Variants in CTNNA2 observed in about 807,000 individuals in gnomAD.
CTNNA2 encodes the protein catenin alpha 2.
Under a neutral mutation model 101.0 loss-of-function variants are expected in CTNNA2, and 42 were observed. That is an observed-to-expected ratio of 0.42 (90% confidence interval 0.32 to 0.54). The LOEUF (loss-of-function observed/expected upper bound fraction) is 0.54. CTNNA2 is among the 20% of genes least tolerant of loss of function. CTNNA2 has a pLI of 0.14. For synonymous variants in CTNNA2, 450 were observed against 456.4 expected, an observed-to-expected ratio of 0.99 and a Z score of 0.18; for missense variants, 871 against 1,223.1, an observed-to-expected ratio of 0.71 and a Z score of 4.29.
chr2:79,868,586 A>G (rs1221127702), intron 4 of CTNNA2, among the ~76,000 whole-genome samples: 1 of 152,270 alleles, frequency 6.6e-6, no homozygotes, highest in East Asian at 1.9e-4. Flanking sequence ...GGTTATTTTC[A>G]GCCATTGTAG....
At chr2:79,821,138 C>G (rs1309894235) in intron 3 of CTNNA2, among the ~76,000 whole-genome samples, 1 of 152,134 alleles carries the variant, frequency 6.6e-6, no homozygotes, top group Non-Finnish European at 1.5e-5. Flanking sequence ...TTAGGATAAA[C>G]CATTAATTCC....
At chr2:79,200,126 G>T (rs143977958) in intron 2 of CTNNA2, among the ~76,000 whole-genome samples, 1 of 152,142 alleles carries the variant, frequency 6.6e-6, no homozygotes, top group African/African-American at 2.4e-5. Context: ...TATCCTGCCT[G>T]TAATCCCAGC....
At chr2:80,561,998 C>T (rs1693645711) in intron 12 of CTNNA2, among the ~76,000 whole-genome samples, 2 of 151,988 alleles carry the variant, frequency 1.3e-5, no homozygotes, top group Non-Finnish European at 2.9e-5. Context: ...TAAACAAATT[C>T]TGTCCAGGAG....
chr2:80,041,443 A>G (rs1223546804), intron 7 of CTNNA2, among the ~76,000 whole-genome samples: 2 of 152,088 alleles, frequency 1.3e-5, no homozygotes, highest in Non-Finnish European at 2.9e-5. Context: ...TTAGACTGGG[A>G]TGGGGGGTAC....
chr2:80,244,906 A>T (rs1037796052), intron 7 of CTNNA2, among the ~76,000 whole-genome samples: 1 of 152,176 alleles, frequency 6.6e-6, no homozygotes, highest in Admixed American at 6.5e-5. Context: ...TGGAAAATCT[A>T]GCAGACCTAC....
At chr2:79,208,056 C>T (rs1486156656) in intron 2 of CTNNA2, among the ~76,000 whole-genome samples, 4 of 152,126 alleles carry the variant, frequency 2.6e-5, no homozygotes, top group African/African-American at 9.7e-5. Context: ...CAAGATAAGA[C>T]CAGTCTCCCT....
intron 7 of CTNNA2, among the ~76,000 whole-genome samples, chr2:80,383,616 T>C (rs1243478966): frequency 7.9e-5 from 12 of 152,058 alleles, no homozygotes. Flanking sequence ...CTAGGTGAAT[T>C]GTGAGTTAGA....
chr2:80,362,348 G>C (rs946929080), intron 7 of CTNNA2, among the ~76,000 whole-genome samples: 8 of 152,118 alleles, frequency 5.3e-5, no homozygotes, highest in African/African-American at 1.9e-4. Flanking sequence ...CAAGAAAAAG[G>C]ATGAGGGAGA....
intron 1 of CTNNA2, among the ~76,000 whole-genome samples, chr2:79,631,215 G>A (rs1481441450): frequency 6.6e-6 from 1 of 152,132 alleles, no homozygotes; most frequent in East Asian, 1.9e-4. Flanking sequence ...GGTAACTCTT[G>A]ATTTTCCTTT....
At chr2:80,054,158 T>G (rs976560569) in intron 7 of CTNNA2, among the ~76,000 whole-genome samples, 1 of 152,194 alleles carries the variant, frequency 6.6e-6, no homozygotes, top group Non-Finnish European at 1.5e-5. Context: ...AGATGGGGGT[T>G]TGATTGATTC....
At chr2:79,559,347 A>G (rs1227255579) in intron 1 of CTNNA2, among the ~76,000 whole-genome samples, 1 of 151,780 alleles carries the variant, frequency 6.6e-6, no homozygotes, top group Admixed American at 6.6e-5. Context: ...TTTGGAGTTT[A>G]TGATTGGGTA....
chr2:80,079,774 A>G (rs965854102), intron 7 of CTNNA2, among the ~76,000 whole-genome samples: 8 of 151,476 alleles, frequency 5.3e-5, no homozygotes, highest in Admixed American at 5.3e-4. Context: ...GGATTGCGCC[A>G]CTGCACTCCA....
chr2:79,241,110 C>A (rs139026741), intron 2 of CTNNA2, among the ~76,000 whole-genome samples: 249 of 152,276 alleles, frequency 1.6e-3, no homozygotes, highest in Non-Finnish European at 3.1e-3. Flanking sequence ...ACACTGTAAA[C>A]TAATCTCATA....
intron 9 of CTNNA2, among the ~76,000 whole-genome samples, chr2:80,538,682 T>C (rs562444703): frequency 6.6e-6 from 1 of 152,330 alleles, no homozygotes; most frequent in East Asian, 1.9e-4. Flanking sequence ...TTGTTCTTTT[T>C]GCTTAGGATT....
At chr2:80,062,561 T>G (rs1471059661) in intron 7 of CTNNA2, among the ~76,000 whole-genome samples, 1 of 152,218 alleles carries the variant, frequency 6.6e-6, no homozygotes, top group Non-Finnish European at 1.5e-5. Context: ...ATACCTTAAC[T>G]CAAAGAACTA....
chr2:79,370,866 T>C (rs1677854569), intron 3 of CTNNA2, among the ~76,000 whole-genome samples: 1 of 152,142 alleles, frequency 6.6e-6, no homozygotes, highest in Admixed American at 6.5e-5. Context: ...GAGTGACTGG[T>C]GGGAAGGCAG....
intron 3 of CTNNA2, among the ~76,000 whole-genome samples, chr2:79,777,610 C>A (rs1674073715): frequency 6.6e-6 from 1 of 152,134 alleles, no homozygotes; most frequent in Non-Finnish European, 1.5e-5. Flanking sequence ...CCATTCTCTT[C>A]TCTGTGCAGA....
At chr2:80,003,619 G>A (rs1035926783) in intron 7 of CTNNA2, among the ~76,000 whole-genome samples, 3 of 152,118 alleles carry the variant, frequency 2.0e-5, no homozygotes, top group South Asian at 4.1e-4. Context: ...CGTGGAAGTG[G>A]TTAGAATTCC....
At chr2:79,454,556 G>T (rs999940083) in intron 4 of CTNNA2, among the ~76,000 whole-genome samples, 1 of 152,100 alleles carries the variant, frequency 6.6e-6, no homozygotes, top group African/African-American at 2.4e-5. Context: ...CCCTGCTCTG[G>T]AATCCTACTC....
Sources: allele counts gnomAD v4.1 joint callset (sites outside exome capture counted in the v4.1 genomes callset), GRCh38; gene constraint gnomAD v4.1.1; transcripts MANE v1.5; gene names NCBI Gene and HGNC (gene_info 2026-07-23, HGNC 2026-07-21).